The following HS3ST5 variants were observed in gnomAD, a reference collection of about 807,000 sequenced individuals.
HS3ST5 encodes heparan sulfate glucosamine 3-O-sulfotransferase 5.
A neutral mutation model predicts 25.4 loss-of-function variants in HS3ST5; 10 were observed. The ratio of observed to expected loss-of-function variants is 0.39; its 90% CI spans 0.24 to 0.67. The LOEUF is 0.67. Ranked by LOEUF, HS3ST5 falls within the 30% of genes least tolerant of loss-of-function variation. The pLI, the probability that HS3ST5 is intolerant of heterozygous loss-of-function variation, is 0.44. For synonymous variants in HS3ST5, 170 were observed against 162.4 expected (o/e 1.05, Z -0.36); for missense variants, 324 against 420.7 (o/e 0.77, Z 2.01).
intron 2 of HS3ST5, among the ~76,000 whole-genome samples, chr6:114,171,216 C>G (rs1217538327): frequency 6.6e-6 from 1 of 152,202 alleles, no homozygotes; most frequent in Admixed American, 6.5e-5. Flanking sequence ...GGAGAAACCA[C>G]TGCTTTTAGC....
At chr6:114,143,871 A>G (rs1321571224) in intron 3 of HS3ST5, 3 of 152,404 alleles carry the variant, frequency 2.0e-5, no homozygotes, top group African/African-American at 7.2e-5. Flanking sequence ...TTCTTCCAAA[A>G]CCAACGCATA....
intron 2 of HS3ST5, among the ~76,000 whole-genome samples, chr6:114,188,335 C>T (rs1582696032): frequency 6.6e-6 from 1 of 152,272 alleles, no homozygotes; most frequent in South Asian, 2.1e-4. Flanking sequence ...AAATTTCTGC[C>T]ATAGCATTTA....
chr6:114,302,806 T>C (rs560053349), intron 1 of HS3ST5, among the ~76,000 whole-genome samples: 2 of 152,310 alleles, frequency 1.3e-5, no homozygotes, highest in African/African-American at 2.4e-5. Flanking sequence ...AGTTGAAATA[T>C]ATTATGACAA....
intron 1 of HS3ST5, among the ~76,000 whole-genome samples, chr6:114,249,715 T>A (rs1772557048): frequency 6.6e-6 from 1 of 152,198 alleles, no homozygotes. Flanking sequence ...GGGAGCCAGC[T>A]AAGTCAAGAG....
chr6:114,091,920 A>G (rs1277103859), intron 3 of HS3ST5, among the ~76,000 whole-genome samples: 2 of 152,196 alleles, frequency 1.3e-5, no homozygotes, highest in Non-Finnish European at 2.9e-5. Flanking sequence ...AGGCTATGCC[A>G]TGGACATTTG....
chr6:114,186,960 G>C (rs1780246385), intron 2 of HS3ST5, among the ~76,000 whole-genome samples: 1 of 152,134 alleles, frequency 6.6e-6, no homozygotes, highest in Non-Finnish European at 1.5e-5. Context: ...GAACAACAAA[G>C]CCTGGATGAC....
chr6:114,156,197 C>T (rs1778690133), intron 3 of HS3ST5, among the ~76,000 whole-genome samples: 1 of 152,172 alleles, frequency 6.6e-6, no homozygotes. Flanking sequence ...GCTTCCACAT[C>T]CTATTCTTTC....
intron 2 of HS3ST5, among the ~76,000 whole-genome samples, chr6:114,170,939 A>G (rs1455649287): frequency 6.6e-6 from 1 of 152,178 alleles, no homozygotes; most frequent in Non-Finnish European, 1.5e-5. Context: ...AAATTTTAAT[A>G]TTAAAATATA....
intron 2 of HS3ST5, among the ~76,000 whole-genome samples, chr6:114,226,050 C>T (rs780415589): frequency 4.6e-5 from 7 of 151,874 alleles, no homozygotes; most frequent in African/African-American, 9.7e-5. Context: ...AAATCGTAGG[C>T]CAACCGCAGC....
chr6:114,282,506 G>T (rs559234514), intron 1 of HS3ST5, among the ~76,000 whole-genome samples: 1 of 151,906 alleles, frequency 6.6e-6, no homozygotes, highest in Non-Finnish European at 1.5e-5. Context: ...TCGGTCTGTC[G>T]GAGGATACAG....
chr6:114,282,045 T>G (rs1774136427), intron 1 of HS3ST5: 1 of 151,968 alleles, frequency 6.6e-6, no homozygotes, highest in Non-Finnish European at 1.5e-5. Context: ...AGAAAGTATA[T>G]ACTGAAATAA....
intron 2 of HS3ST5, among the ~76,000 whole-genome samples, chr6:114,199,043 G>A (rs1780893732): frequency 1.3e-5 from 2 of 151,978 alleles, no homozygotes; most frequent in Non-Finnish European, 2.9e-5. Flanking sequence ...CAAGACATAG[G>A]GCAACTGTCT....
chr6:114,132,188 C>T (rs1019091819), intron 3 of HS3ST5: 4 of 152,120 alleles, frequency 2.6e-5, no homozygotes, highest in African/African-American at 9.7e-5. Context: ...ATGGTATAGA[C>T]AGCTGATTTG....
At chr6:114,218,064 C>A (rs1781853341) in intron 2 of HS3ST5, among the ~76,000 whole-genome samples, 1 of 152,144 alleles carries the variant, frequency 6.6e-6, no homozygotes, top group African/African-American at 2.4e-5. Context: ...GTGGCATGAT[C>A]TCGGCTCACC....
At chr6:114,060,938 T>C (rs1449522837) in intron 4 of HS3ST5, among the ~76,000 whole-genome samples, 1 of 148,414 alleles carries the variant, frequency 6.7e-6, no homozygotes, top group Non-Finnish European at 1.5e-5. Context: ...AGGTTTAGGA[T>C]TGGAAGGGAT....
chr6:114,134,078 C>A (rs1331181576), intron 3 of HS3ST5, among the ~76,000 whole-genome samples: 1 of 152,042 alleles, frequency 6.6e-6, no homozygotes, highest in Non-Finnish European at 1.5e-5. Flanking sequence ...TAAAACAATT[C>A]AAGTTTGAGA....
At chr6:114,293,160 A>G (rs1159589731) in intron 1 of HS3ST5, among the ~76,000 whole-genome samples, 3 of 152,070 alleles carry the variant, frequency 2.0e-5, no homozygotes, top group Non-Finnish European at 4.4e-5. Context: ...GGTGTCTCTG[A>G]GCTGTACAGG....
chr6:114,206,546 T>C (rs1275650199), intron 2 of HS3ST5, among the ~76,000 whole-genome samples: 1 of 152,178 alleles, frequency 6.6e-6, no homozygotes, highest in Non-Finnish European at 1.5e-5. Context: ...GGCCACTTAC[T>C]TGCTACATAT....
chr6:114,307,695 G>A (rs1176459646), intron 1 of HS3ST5, among the ~76,000 whole-genome samples: 1 of 152,054 alleles, frequency 6.6e-6, no homozygotes, highest in Non-Finnish European at 1.5e-5. Flanking sequence ...GCGTTTACTA[G>A]TGAGATGTGA....
Sources: gnomAD v4.1 joint callset for allele counts (sites outside exome capture counted in the v4.1 genomes callset) on GRCh38, gnomAD v4.1.1 for gene constraint, MANE v1.5 for transcripts, NCBI Gene and HGNC (gene_info 2026-07-23, HGNC 2026-07-21) for gene names.